Variants in TBX15 observed in about 807,000 individuals in gnomAD.
TBX15 encodes the protein T-box transcription factor 15.
In TBX15, 18 loss-of-function variants were observed where a neutral mutation model predicts 53.9. That is an observed-to-expected ratio of 0.33 (90% CI 0.23 to 0.49). The LOEUF (loss-of-function observed/expected upper bound fraction) is 0.49. Ranked by LOEUF, TBX15 falls within the 20% of genes least tolerant of loss-of-function variation. The pLI is 0.98. For missense variants in TBX15, 692 were observed against 749.5 expected (o/e 0.92, Z 0.90); for synonymous variants, 295 against 278.0 (o/e 1.06, Z -0.61).
chr1:118,905,520 A>C (rs929543802), intron 6 of TBX15, among the ~76,000 whole-genome samples: 3 of 152,242 alleles, frequency 2.0e-5, no homozygotes, highest in Admixed American at 6.5e-5. Flanking sequence ...TATGGCCTGC[A>C]TGAAAAGCAG....
chr1:118,949,605 A>G (rs946629251), intron 1 of TBX15, among the ~76,000 whole-genome samples: 4 of 152,250 alleles, frequency 2.6e-5, no homozygotes, highest in Non-Finnish European at 4.4e-5. Flanking sequence ...GGGAGCACCC[A>G]GCCTTGAAAC....
chr1:118,948,118 AAG>A (rs1183847265), intron 1 of TBX15, among the ~76,000 whole-genome samples: 1 of 152,070 alleles, frequency 6.6e-6, no homozygotes, highest in African/African-American at 2.4e-5. Flanking sequence ...TGACTCAGTG[AAG>A]AGTCACAGTA....
intron 1 of TBX15, among the ~76,000 whole-genome samples, chr1:118,961,154 G>T (rs1238622809): frequency 6.6e-6 from 1 of 152,126 alleles, no homozygotes; most frequent in Non-Finnish European, 1.5e-5. Flanking sequence ...ATGATTTCCT[G>T]GTTCCCCCTT....
chr1:118,938,850 T>C (rs1466748074), intron 1 of TBX15, among the ~76,000 whole-genome samples: 1 of 152,224 alleles, frequency 6.6e-6, no homozygotes, highest in African/African-American at 2.4e-5. Flanking sequence ...GGGTTGCTTT[T>C]TGCTTATTGA....
chr1:118,903,589 A>T (rs1489951286), intron 6 of TBX15, among the ~76,000 whole-genome samples: 1 of 152,146 alleles, frequency 6.6e-6, no homozygotes, highest in African/African-American at 2.4e-5. Flanking sequence ...TGCTGGTGAC[A>T]CTGGTAACAA....
intron 5 of TBX15, among the ~76,000 whole-genome samples, chr1:118,922,096 A>G (rs1050135700): frequency 6.6e-6 from 1 of 152,210 alleles, no homozygotes; most frequent in East Asian, 1.9e-4. Flanking sequence ...GCGCAGCCAA[A>G]GGGAATGTTA....
intron 2 of TBX15, among the ~76,000 whole-genome samples, chr1:118,929,501 A>T (rs1655712223): frequency 6.6e-6 from 1 of 152,230 alleles, no homozygotes; most frequent in African/African-American, 2.4e-5. Context: ...GAGAAGAATT[A>T]GATGTAGTAA....
intron 1 of TBX15, among the ~76,000 whole-genome samples, chr1:118,950,302 G>T (rs116393999): frequency 2.0e-5 from 3 of 152,196 alleles, no homozygotes; most frequent in African/African-American, 7.2e-5. Flanking sequence ...ACAGGCTCTT[G>T]TCTGACTTGT....
At chr1:118,970,778 G>C (rs762484158) in intron 1 of TBX15, among the ~76,000 whole-genome samples, 6 of 152,266 alleles carry the variant, frequency 3.9e-5, no homozygotes, top group Middle Eastern at 6.8e-3. Flanking sequence ...TGATTACCCT[G>C]TGTTTGAGGG....
At chr1:118,964,708 G>A (rs1202568936) in intron 1 of TBX15, among the ~76,000 whole-genome samples, 1 of 152,184 alleles carries the variant, frequency 6.6e-6, no homozygotes, top group Non-Finnish European at 1.5e-5. Flanking sequence ...CAACCTGAAG[G>A]CTGTGCATGG....
At position 118,884,997 on chromosome 1, in the gene TBX15, T is replaced by C. The variant is rs770084912; in HGVS notation, c.1544A>G (p.Tyr515Cys). 2 of 1,613,980 alleles carry C rather than the reference T, an allele frequency of 1.2e-6. No homozygotes were observed. The highest frequency in any genetic ancestry group is 3.3e-5 in the Admixed American group (2 of 59,996). Residue 515 changes from tyrosine to cysteine, a missense_variant, in exon 8 of 8, where the codon TAC becomes TGC. Around this residue, in one of 3 missense-constraint regions of TBX15, gnomAD observed 375 missense variants for 371.6 expected, o/e 1.01. Transcript: ENST00000369429. ...GGGGAAATTGTATCCATACAGGTTGTAAGGGTTGTGAAGGGAGAAGGCATT... is the reference window on the plus strand; with the variant it reads ...GGGGAAATTGTATCCATACAGGTTGCAAGGGTTGTGAAGGGAGAAGGCATT... ...SYNAFSLHNP[Y>C]NLYGYNFPTS...
At chr1:118,893,579 AAAG>A (rs1326888918) in intron 7 of TBX15, among the ~76,000 whole-genome samples, 2 of 134,670 alleles carry the variant, frequency 1.5e-5, no homozygotes, top group Non-Finnish European at 3.0e-5. Context: ...GGAAGGAAAG[AAAG>A]AAAGGAAGGA....
intron 5 of TBX15, among the ~76,000 whole-genome samples, chr1:118,917,765 C>T (rs1002519174): frequency 6.6e-6 from 1 of 152,140 alleles, no homozygotes; most frequent in Non-Finnish European, 1.5e-5. Flanking sequence ...CTATCCAGCA[C>T]CCCATTTGGT....
chr1:118,929,681 G>A (rs1342631967), intron 2 of TBX15, among the ~76,000 whole-genome samples: 1 of 152,132 alleles, frequency 6.6e-6, no homozygotes, highest in Non-Finnish European at 1.5e-5. Flanking sequence ...TGAAAATACT[G>A]CAGAAGAATT....
chr1:118,924,941 A>G, intron 3 of TBX15, 124 bp from the exon 4 acceptor site: 1 of 1,035,026 alleles, frequency 9.7e-7, no homozygotes, highest in Non-Finnish European at 1.5e-6. Flanking sequence ...TGGAGAAGTA[A>G]TGGGAAAGAA....
chr1:118,926,538 T>A lies in TBX15; in HGVS notation c.493A>T (p.Ile165Phe). 3 of 1,613,922 alleles carry A rather than the reference T, an allele frequency of 1.9e-6. No homozygotes were observed. The South Asian group carries it at 3.3e-5, about 18-fold the overall frequency. Residue 165 changes from isoleucine (I) to phenylalanine (F), a missense_variant, in exon 3 of 8, where the codon ATT (isoleucine) becomes TTT (phenylalanine). This residue lies in a region of TBX15 where 307 missense variants were observed against 347.5 expected (regional missense o/e 0.88). Coordinates refer to ENST00000369429, the MANE Select transcript of TBX15 (RefSeq NM_001330677.2). ...TATCTTTTATTGTCCACAGGCACAA[T>A]GTCCATTGCTATGTAGTACTGCTGA... ...PHQQYYIAMD[I>F]VPVDNKRYRY...
chr1:118,901,075 T>C (rs17022718), intron 6 of TBX15, among the ~76,000 whole-genome samples: 4,393 of 152,290 alleles, frequency 0.029, 197 homozygotes, highest in African/African-American at 0.1. Context: ...ACACTGCCAA[T>C]ATTTTATTTG....
intron 1 of TBX15, among the ~76,000 whole-genome samples, chr1:118,956,309 G>A (rs1407396811): frequency 6.6e-6 from 1 of 152,040 alleles, no homozygotes; most frequent in Non-Finnish European, 1.5e-5. Context: ...TAGGACAAAT[G>A]GTAAAATGTA....
At chr1:118,916,769 G>A (rs994158371) in intron 5 of TBX15, among the ~76,000 whole-genome samples, 12 of 152,168 alleles carry the variant, frequency 7.9e-5, no homozygotes, top group African/African-American at 2.2e-4. Flanking sequence ...GGGAGGCTGA[G>A]GCGAGAGAAT....
Sources: gnomAD v4.1 joint callset for allele counts (sites outside exome capture counted in the v4.1 genomes callset) on GRCh38, gnomAD v4.1.1 for gene constraint, gnomAD v4.1.1 regional missense constraint, MANE v1.5 for transcripts, NCBI Gene and HGNC (gene_info 2026-07-23, HGNC 2026-07-21) for gene names.